The following ZNF587B variants were observed in gnomAD, a reference collection of about 807,000 sequenced individuals.
ZNF587B encodes the protein zinc finger protein 587B.
Under a neutral mutation model 7.2 loss-of-function variants are expected in ZNF587B, and 6 were observed. That is an observed-to-expected ratio of 0.83 (90% CI 0.46 to 1.65). The LOEUF is 1.65. ZNF587B is among the 40% of genes most tolerant of loss of function. ZNF587B has a pLI of 0.01. For synonymous variants in ZNF587B, 274 were observed against 254.3 expected (o/e 1.08, Z -0.74); for missense variants, 749 against 761.0 (o/e 0.98, Z 0.19).
chr19:57,832,150 G>A (rs752336542), intron 1 of ZNF587B, among the ~76,000 whole-genome samples: 4 of 151,770 alleles, frequency 2.6e-5, no homozygotes, highest in East Asian at 1.9e-4. Context: ...GCAGTGGCAC[G>A]ATCTCGGCTC....
Position 57,846,011 on chromosome 19 carries a change from T to G in ZNF587B, c.*3435T>G, listed in dbSNP as rs1389447170. The G allele has an allele frequency of 6.6e-6, 1 of 152,114 alleles. No individual in the cohort carries two copies. Among genetic ancestry groups the G allele is most frequent in the Non-Finnish European group, 1.5e-5 (1 of 68,008 alleles). 9.4% of individuals were successfully genotyped at this position (152,114 alleles called of 1,614,324 possible). On this transcript the variant is annotated 3_prime_UTR_variant, in exon 3 of 3. Coordinates refer to ENST00000594901, the MANE Select transcript of ZNF587B (RefSeq NM_001376223.1). ...TAAATGACATCCAATAAAGTACACA[T>G]ATTTGAGCTGTAGGATAAGTCTTGA...
In ZNF587B at chr19:57,843,587, G is replaced by GTGTTTTTTTTTT. The variant is rs1988945849; in HGVS notation, c.*1012_*1013insGTTTTTTTTTTT. ...GTTTGGTTGGTTGGTTGGTTGGTTG[G>GTGTTTTTTTTTT]TTGTTTTTTTTTGTTTTTTTTTTTT... On this transcript the variant is annotated 3_prime_UTR_variant, in exon 3 of 3. Coordinates refer to ENST00000594901, the MANE Select transcript of ZNF587B (RefSeq NM_001376223.1). The GTGTTTTTTTTTT allele has an allele frequency of 6.8e-6, 5 of 738,188 alleles. No individual in the cohort carries two copies. The highest frequency in any genetic ancestry group is 7.8e-6 in the Non-Finnish European group (5 of 639,020). The allele number at this position is 738,188 out of a possible 1,614,324, so 45.7% of individuals were successfully genotyped here. A position where few individuals can be genotyped will look rare whatever the true frequency, so the allele number is the denominator to read the frequency against.
In ZNF587B at chr19:57,844,311, TG is replaced by T; in HGVS notation, c.*1738del. ...GACAGGAAGGAGTTCAAGACCAGCCTGGGCAATATAGTGAAATCCTGTCTCT... is the reference window on the plus strand; with the variant it reads ...GACAGGAAGGAGTTCAAGACCAGCCTGGCAATATAGTGAAATCCTGTCTCT... On this transcript the variant is annotated 3_prime_UTR_variant, in exon 3 of 3. Transcript: ENST00000594901. 1 of 372,602 alleles carries T rather than the reference TG, an allele frequency of 2.7e-6. No individual in the cohort carries two copies. The highest frequency in any genetic ancestry group is 5.3e-6 in the Non-Finnish European group (1 of 188,322). 23.1% of individuals were successfully genotyped at this position (372,602 alleles called of 1,614,324 possible).
At chr19:57,832,167 A>G (rs1178230677) in intron 1 of ZNF587B, among the ~76,000 whole-genome samples, 3 of 151,988 alleles carry the variant, frequency 2.0e-5, no homozygotes, top group African/African-American at 7.2e-5. Context: ...GCTCACTGCA[A>G]GCTCCACCTC....
At position 57,844,311 on chromosome 19, in the gene ZNF587B, T is replaced by A; in HGVS notation, c.*1735T>A. 2.7e-6 allele frequency: 1 copy of A among 372,602 alleles called. No homozygotes were observed. The highest frequency in any genetic ancestry group is 5.3e-6 in the Non-Finnish European group (1 of 188,322). 23.1% of individuals were successfully genotyped at this position (372,602 alleles called of 1,614,324 possible). ...GACAGGAAGGAGTTCAAGACCAGCC[T>A]GGGCAATATAGTGAAATCCTGTCTC... is the stretch of plus-strand genomic sequence containing the variant. On this transcript the variant is annotated 3_prime_UTR_variant, in exon 3 of 3. Transcript: ENST00000594901.
chr19:57,830,719 G>C (rs1988345686), intron 1 of ZNF587B, among the ~76,000 whole-genome samples, 155 bp downstream of exon 1: 1 of 132,384 alleles, frequency 7.6e-6, no homozygotes, highest in Non-Finnish European at 1.6e-5. Context: ...TTGAGCTGCT[G>C]AAGGCCTAAT....
At chr19:57,839,290 C>A in intron 2 of ZNF587B, 141 bp downstream of exon 2, 1 of 1,367,274 alleles carries the variant, frequency 7.3e-7, no homozygotes, top group Non-Finnish European at 9.9e-7. Flanking sequence ...GGTTGTAGGA[C>A]TGAGGTGTAC....
Position 57,842,605 on chromosome 19 carries a change from A to G in ZNF587B, c.*29A>G, listed in dbSNP as rs781049607. 3 of 1,448,320 alleles carry G rather than the reference A, an allele frequency of 2.1e-6. No individual in the cohort carries two copies. The highest frequency in any genetic ancestry group is 1.8e-6 in the Non-Finnish European group (2 of 1,103,516). 89.7% of individuals were successfully genotyped at this position (1,448,320 alleles called of 1,614,324 possible). On this transcript the variant is annotated 3_prime_UTR_variant, in exon 3 of 3. Transcript: ENST00000594901. ...CAGAGAATGAGTCCAGTCTCATTAA[A>G]TACAGGAGAGCACACACCTGAGTAA... is the stretch of plus-strand genomic sequence containing the variant.
chr19:57,842,977 G>A lies in ZNF587B; in HGVS notation c.*401G>A. Reference sequence around the variant, plus strand: ...AAAAACACTGTAGATGTATAGGTTAGATATATAGGGAATGTTATTATTTTT... The same window carrying A: ...AAAAACACTGTAGATGTATAGGTTAAATATATAGGGAATGTTATTATTTTT... On this transcript the variant is annotated 3_prime_UTR_variant, in exon 3 of 3. Coordinates refer to ENST00000594901, the MANE Select transcript of ZNF587B (RefSeq NM_001376223.1). 1.0e-6 allele frequency: 1 copy of A among 985,090 alleles called. No individual in the cohort carries two copies. Among genetic ancestry groups the A allele is most frequent in the Non-Finnish European group, 1.2e-6 (1 of 829,690 alleles). The allele number at this position is 985,090 out of a possible 1,614,324, so 61.0% of individuals were successfully genotyped here. A position where few individuals can be genotyped will look rare whatever the true frequency, so the allele number is the denominator to read the frequency against.
intron 1 of ZNF587B, among the ~76,000 whole-genome samples, chr19:57,830,803 TAAAA>T (rs35720058): frequency 6.6e-6 from 1 of 151,076 alleles, no homozygotes; most frequent in African/African-American, 2.4e-5. Flanking sequence ...TCCGTTTATT[TAAAA>T]AAAAATCCGT....
At chr19:57,831,933 C>G (rs1486481056) in intron 1 of ZNF587B, among the ~76,000 whole-genome samples, 1 of 149,100 alleles carries the variant, frequency 6.7e-6, no homozygotes, top group African/African-American at 2.5e-5. Flanking sequence ...TTCGAACTCC[C>G]GAGCTCAGGC....
intron 1 of ZNF587B, among the ~76,000 whole-genome samples, chr19:57,836,460 C>A (rs1988606927): frequency 6.6e-6 from 1 of 152,188 alleles, no homozygotes; most frequent in Non-Finnish European, 1.5e-5. Context: ...GGTATGACCA[C>A]AAATGGCTGA....
At position 57,841,291 on chromosome 19, in the gene ZNF587B, C is replaced by T. The variant is rs1343811403; in HGVS notation, c.617C>T (p.Pro206Leu). The T allele has an allele frequency of 3.1e-6, 5 of 1,613,820 alleles. No individual in the cohort carries two copies. The highest frequency in any genetic ancestry group is 1.6e-4 in the Middle Eastern group (1 of 6,084). The change falls in exon 3 of 3, where the codon CCC becomes CTC. Residue 206 changes from proline (P) to leucine (L), a missense_variant. By Grantham distance (98) the Pro-to-Leu change is moderately conservative. Coordinates refer to ENST00000594901, the MANE Select transcript of ZNF587B (RefSeq NM_001376223.1). ...AACAGCAAAACTGAGTGTGTGTCTCCCTTTCAGTGTGGGGGAGCTCACTAT... is the reference window on the plus strand; with the variant it reads ...AACAGCAAAACTGAGTGTGTGTCTCTCTTTCAGTGTGGGGGAGCTCACTAT... ...KSNSKTECVS[P>L]FQCGGAHYSH...
rs535214872 is a variant in ZNF587B at position 57,839,857 on chromosome 19, G to T, written c.163+708G>T. On this transcript the variant is annotated intron_variant, in intron 2 of 2. Transcript: ENST00000594901. ...GCACTTTGGGAGGCCCTGGCAGGTGGATCATAAGGTCAGGAGTTCAAGACC... is the reference window on the plus strand; with the variant it reads ...GCACTTTGGGAGGCCCTGGCAGGTGTATCATAAGGTCAGGAGTTCAAGACC... Among the ~76,000 whole-genome samples, 8 of 152,176 alleles carry T rather than the reference G, an allele frequency of 5.3e-5. No individual in the cohort carries two copies. In the South Asian group the frequency reaches 1.7e-3, roughly 32 times the overall value.
Position 57,842,286 on chromosome 19 carries a change from A to G in ZNF587B, c.1612A>G (p.Ile538Val), listed in dbSNP as rs777818107. The G allele has an allele frequency of 1.2e-6, 2 of 1,612,890 alleles. No individual in the cohort carries two copies. The highest frequency in any genetic ancestry group is 1.7e-6 in the Non-Finnish European group (2 of 1,179,284). ...GTCATTTACCCACAGCTGTGCATTC[A>G]TTGTTCATAAGAGAGTTCACACTGG... is the stretch of plus-strand genomic sequence containing the variant. Reference protein sequence around the residue: ...GKSFTHSCAFIVHKRVHTGQK... With the variant: ...GKSFTHSCAFVVHKRVHTGQK... The change falls in exon 3 of 3, where the codon ATT becomes GTT. Residue 538 changes from isoleucine (I) to valine (V), a missense_variant. Around this residue, in one of 3 missense-constraint regions of ZNF587B, gnomAD observed 656 missense variants for 596.5 expected, o/e 1.10. Transcript: ENST00000594901.
intron 1 of ZNF587B, among the ~76,000 whole-genome samples, chr19:57,835,831 T>C (rs1298754086): frequency 4.2e-3 from 611 of 144,482 alleles, no homozygotes; most frequent in African/African-American, 0.015. Context: ...TGGGAAGGAA[T>C]TGATATTGGA....
At position 57,844,432 on chromosome 19, in the gene ZNF587B, G is replaced by A. The variant is rs1398748770; in HGVS notation, c.*1856G>A. On this transcript the variant is annotated 3_prime_UTR_variant, in exon 3 of 3. Transcript: ENST00000594901. ...AGGAAAATTGCTTGAACCCCGGGAG[G>A]TAGAGGTTGCAGTGAGCTGAGATCA... 1 of 283,516 alleles carries A rather than the reference G, an allele frequency of 3.5e-6. No homozygotes were observed. Among genetic ancestry groups the A allele is most frequent in the Non-Finnish European group, 7.0e-6 (1 of 142,544 alleles). 17.6% of individuals were successfully genotyped at this position (283,516 alleles called of 1,614,324 possible). A position where few individuals can be genotyped will look rare whatever the true frequency, so the allele number is the denominator to read the frequency against.
chr19:57,830,584 T>A lies in ZNF587B; in HGVS notation c.36+20T>A. On this transcript the variant is annotated intron_variant, in intron 1 of 2. Transcript: ENST00000594901. ...GCTCAGGTAATTGTGGTGCCTTCCA[T>A]GCCCTCAGGTCACCTCATCATCACC... The A allele has an allele frequency of 6.5e-7, 1 of 1,549,856 alleles. No homozygotes were observed. The highest frequency in any genetic ancestry group is 8.7e-7 in the Non-Finnish European group (1 of 1,147,858).
chr19:57,830,351 TG>T lies in ZNF587B; in HGVS notation c.-177del, dbSNP rs1988323569. On this transcript the variant is annotated 5_prime_UTR_variant, in exon 1 of 3. Coordinates refer to ENST00000594901, the MANE Select transcript of ZNF587B (RefSeq NM_001376223.1). Reference sequence around the variant, plus strand: ...AGGCTCCTGAGCGCTAGGTCGGCACTGCGGTGACTGAACCCAGAAGGCGGAG... The same window carrying T: ...AGGCTCCTGAGCGCTAGGTCGGCACTCGGTGACTGAACCCAGAAGGCGGAG... The T allele has an allele frequency of 1.6e-6, 1 of 631,358 alleles. No individual in the cohort carries two copies. The highest frequency in any genetic ancestry group is 2.9e-5 in the Admixed American group (1 of 34,712). The allele number at this position is 631,358 out of a possible 1,614,324, so 39.1% of individuals were successfully genotyped here. A position where few individuals can be genotyped will look rare whatever the true frequency, so the allele number is the denominator to read the frequency against.
Sources: allele counts gnomAD v4.1 joint callset (sites outside exome capture counted in the v4.1 genomes callset), GRCh38; gene constraint gnomAD v4.1.1; regional missense constraint gnomAD v4.1.1; transcripts MANE v1.5; gene names NCBI Gene and HGNC (gene_info 2026-07-23, HGNC 2026-07-21).